AGBL4: variants seen among roughly 807,000 people sequenced by gnomAD.
AGBL4 encodes the protein cytosolic carboxypeptidase 6.
AGBL4 carries 58 observed loss-of-function variants against 66.4 expected under a neutral mutation model. That is an observed-to-expected ratio of 0.87 (90% confidence interval 0.71 to 1.09). The LOEUF (loss-of-function observed/expected upper bound fraction) is 1.09. AGBL4 is among the 50% of genes least tolerant of loss of function. The pLI is 0.00. For synonymous variants in AGBL4, 234 were observed against 222.9 expected, an observed-to-expected ratio of 1.05 and a Z score of -0.44; for missense variants, 579 against 631.0, an observed-to-expected ratio of 0.92 and a Z score of 0.88.
In AGBL4 at chr1:49,433,673, AAAT is replaced by A. The variant is rs568793090; in HGVS notation, c.283-187812_283-187810del. On this transcript the variant is annotated intron_variant, in intron 3 of 13. Transcript: ENST00000371839. ...CACTGGAAGGATAATTTTAATGACA[AAAT>A]AAGCCGGATTTGAATCTTGATTCTA... Among the ~76,000 whole-genome samples the A allele has an allele frequency of 3.7e-3, 557 of 152,310 alleles. 3 individuals are homozygous for A. Among genetic ancestry groups the A allele is most frequent in the African/African-American group, 0.013 (547 of 41,566 alleles).
At chr1:49,104,826 C>G (rs1645264230) in intron 4 of AGBL4, among the ~76,000 whole-genome samples, 1 of 152,120 alleles carries the variant, frequency 6.6e-6, no homozygotes, top group African/African-American at 2.4e-5. Context: ...ATATTCACCT[C>G]TAAATATGGC....
chr1:48,616,914 G>T (rs1301204757), intron 9 of AGBL4, among the ~76,000 whole-genome samples: 1 of 152,190 alleles, frequency 6.6e-6, no homozygotes, highest in East Asian at 1.9e-4. Flanking sequence ...ACCTCCAACG[G>T]CTGGTTTCTT....
At chr1:49,157,690 C>A (rs528441173) in intron 4 of AGBL4, among the ~76,000 whole-genome samples, 1 of 152,128 alleles carries the variant, frequency 6.6e-6, no homozygotes, top group Non-Finnish European at 1.5e-5. Flanking sequence ...AATTTAAATT[C>A]CCACCAACAG....
chr1:49,028,322 C>A (rs1396731713), intron 5 of AGBL4, among the ~76,000 whole-genome samples: 1 of 152,206 alleles, frequency 6.6e-6, no homozygotes, highest in Non-Finnish European at 1.5e-5. Context: ...GACTGTGAAA[C>A]AATTATTGCC....
At chr1:49,591,923 A>G (rs530751331) in intron 3 of AGBL4, among the ~76,000 whole-genome samples, 26 of 152,328 alleles carry the variant, frequency 1.7e-4, no homozygotes, top group African/African-American at 5.1e-4. Flanking sequence ...CTTACACCAT[A>G]TACAAAAATC....
At chr1:49,359,866 G>A (rs569685344) in intron 3 of AGBL4, among the ~76,000 whole-genome samples, 4 of 152,054 alleles carry the variant, frequency 2.6e-5, no homozygotes, top group South Asian at 2.1e-4. Flanking sequence ...ATCCTGGTTC[G>A]CCCAGAACCG....
At chr1:48,852,557 AC>A (rs2148810909) in intron 6 of AGBL4, among the ~76,000 whole-genome samples, 1 of 152,336 alleles carries the variant, frequency 6.6e-6, no homozygotes, top group Admixed American at 6.5e-5. Flanking sequence ...TGGAAACTAG[AC>A]ATTGGGGCAC....
chr1:49,613,256 G>A (rs552640518), intron 3 of AGBL4, among the ~76,000 whole-genome samples: 16 of 151,712 alleles, frequency 1.1e-4, no homozygotes, highest in Non-Finnish European at 1.5e-5. Flanking sequence ...GTGGGGTAAG[G>A]GCTGAAAACT....
At chr1:48,565,846 C>T (rs771908049) in intron 11 of AGBL4, among the ~76,000 whole-genome samples, 2 of 152,208 alleles carry the variant, frequency 1.3e-5, no homozygotes, top group Non-Finnish European at 2.9e-5. Context: ...ACTGACTGCC[C>T]TCCCTTAATC....
chr1:48,719,856 G>A (rs183689160), intron 6 of AGBL4, among the ~76,000 whole-genome samples: 186 of 152,234 alleles, frequency 1.2e-3, no homozygotes, highest in African/African-American at 4.3e-3. Context: ...GCTGGTAAGC[G>A]GTGAAGCCCA....
intron 6 of AGBL4, among the ~76,000 whole-genome samples, chr1:48,837,045 ATAAT>A (rs1469298202): frequency 6.7e-6 from 1 of 148,356 alleles, no homozygotes; most frequent in Non-Finnish European, 1.5e-5. Flanking sequence ...ATGATAATAT[ATAAT>A]TATTAATTAT....
intron 8 of AGBL4, among the ~76,000 whole-genome samples, chr1:48,640,915 C>G (rs1645744573): frequency 6.6e-6 from 1 of 152,088 alleles, no homozygotes; most frequent in Non-Finnish European, 1.5e-5. Context: ...AGAATGAGAG[C>G]AATGATTTCA....
intron 6 of AGBL4, among the ~76,000 whole-genome samples, chr1:48,775,314 A>T (rs1645023946): frequency 6.6e-6 from 1 of 152,176 alleles, no homozygotes; most frequent in Admixed American, 6.5e-5. Flanking sequence ...CCGATTTTTC[A>T]GAGGCAACAT....
intron 11 of AGBL4, among the ~76,000 whole-genome samples, chr1:48,548,584 C>T (rs1176332460): frequency 8.5e-5 from 13 of 152,186 alleles, no homozygotes; most frequent in Non-Finnish European, 1.9e-4. Flanking sequence ...TCCCGCCTGG[C>T]CTGCGGCCTC....
chr1:48,942,177 C>T (rs1387110688), intron 5 of AGBL4, among the ~76,000 whole-genome samples: 1 of 152,158 alleles, frequency 6.6e-6, no homozygotes, highest in Admixed American at 6.5e-5. Flanking sequence ...CAGAGAAAAG[C>T]AGGTCTTTGA....
intron 2 of AGBL4, among the ~76,000 whole-genome samples, chr1:49,790,169 G>A (rs1644558970): frequency 6.6e-6 from 1 of 152,078 alleles, no homozygotes; most frequent in Admixed American, 6.5e-5. Flanking sequence ...ACAAGGTCAA[G>A]AGTTCAAGAC....
At chr1:49,061,606 C>T (rs1188220565) in intron 4 of AGBL4, among the ~76,000 whole-genome samples, 1 of 152,098 alleles carries the variant, frequency 6.6e-6, no homozygotes, top group East Asian at 1.9e-4. Context: ...GACCAGCAGG[C>T]TGGATTCAGC....
chr1:49,603,929 T>TACACACACAC (rs60862640), intron 3 of AGBL4, among the ~76,000 whole-genome samples: 4 of 140,630 alleles, frequency 2.8e-5, no homozygotes, highest in East Asian at 2.2e-4. Flanking sequence ...TTCCATGGTA[T>TACACACACAC]ACACACACAC....
intron 5 of AGBL4, among the ~76,000 whole-genome samples, chr1:48,977,908 C>T (rs1659468784): frequency 6.6e-6 from 1 of 152,148 alleles, no homozygotes; most frequent in South Asian, 2.1e-4. Context: ...AATGCATACT[C>T]TTCAGAATAT....
Sources: allele counts gnomAD v4.1 joint callset (sites outside exome capture counted in the v4.1 genomes callset), GRCh38; gene constraint gnomAD v4.1.1; transcripts MANE v1.5; gene names NCBI Gene and HGNC (gene_info 2026-07-23, HGNC 2026-07-21).